The following TNNI3K variants were observed in gnomAD, a reference collection of about 807,000 sequenced individuals.
TNNI3K encodes the protein TNNI3 interacting kinase, also known as serine/threonine-protein kinase TNNI3K.
A neutral mutation model predicts 114.5 loss-of-function variants in TNNI3K; 140 were observed. The ratio of observed to expected loss-of-function variants is 1.22; its 90% CI spans 1.07 to 1.41. The LOEUF (loss-of-function observed/expected upper bound fraction) is 1.41. TNNI3K is among the 40% of genes most tolerant of loss of function. The probability of loss-of-function intolerance (pLI) is 0.00; values close to 1 mark genes in which losing one functional copy is unlikely to be tolerated. For missense variants in TNNI3K, 1,125 were observed against 1,007.6 expected (o/e 1.12, Z -1.58); for synonymous variants, 347 against 347.5 (o/e 1.00, Z 0.02).
Position 74,271,581 on chromosome 1 carries a change from G to T in TNNI3K, c.334-17G>T, listed in dbSNP as rs769432404. On this transcript the variant is annotated splice_polypyrimidine_tract_variant and intron_variant, in intron 4 of 24. Coordinates refer to ENST00000326637, the MANE Select transcript of TNNI3K (RefSeq NM_015978.3). Reference sequence around the variant, plus strand: ...TTATTAGCAGAAAAGTAACACTAAAGATATGTTTCCTTACAGGATAATGCA... The same window carrying T: ...TTATTAGCAGAAAAGTAACACTAAATATATGTTTCCTTACAGGATAATGCA... The T allele has an allele frequency of 7.0e-6, 11 of 1,582,408 alleles. No individual in the cohort carries two copies. The highest frequency in any genetic ancestry group is 9.5e-6 in the Non-Finnish European group (11 of 1,162,374).
At chr1:74,463,364 T>TTG (rs993032209) in intron 20 of TNNI3K, 77 bp from the exon 21 acceptor site, 41 of 1,478,792 alleles carry the variant, frequency 2.8e-5, no homozygotes, top group East Asian at 2.0e-4. Flanking sequence ...TAATGCCTTT[T>TTG]TGTGTGTGTG....
chr1:74,353,267 G>A lies in TNNI3K; in HGVS notation c.934G>A (p.Ala312Thr), dbSNP rs530702018. ...TTGTTTTATGGTTTTTTTTTTCAGTGCTTGTACCTATGGCAAGAGCATTGA... is the reference window on the plus strand; with the variant it reads ...TTGTTTTATGGTTTTTTTTTTCAGTACTTGTACCTATGGCAAGAGCATTGA... ...NIFSETAFHS[A>T]CTYGKSIDLV... Residue 312 changes from alanine (A) to threonine (T), a missense_variant and splice_region_variant, in exon 10 of 25, where the codon GCT (alanine) becomes ACT (threonine). Ala to Thr is a moderately conservative substitution (Grantham distance 58, BLOSUM62 0). Coordinates refer to ENST00000326637, the MANE Select transcript of TNNI3K (RefSeq NM_015978.3). 4.8e-5 allele frequency: 77 copies of A among 1,610,560 alleles called. No individual in the cohort carries two copies. In the South Asian group the frequency reaches 7.8e-4, roughly 16 times the overall value.
chr1:74,538,748 A>T (rs1395026498), intron 23 of TNNI3K, among the ~76,000 whole-genome samples: 1 of 152,116 alleles, frequency 6.6e-6, no homozygotes, highest in East Asian at 1.9e-4. Flanking sequence ...GCAAAAGGGG[A>T]TTTGCGTTTA....
At chr1:74,301,126 G>T (rs45479598) in intron 5 of TNNI3K, among the ~76,000 whole-genome samples, 8 of 152,288 alleles carry the variant, frequency 5.3e-5, no homozygotes, top group Non-Finnish European at 1.0e-4. Context: ...AAGGCTGGGT[G>T]TGGTGGTTCA....
intron 17 of TNNI3K, among the ~76,000 whole-genome samples, chr1:74,406,621 A>G (rs1191511469): frequency 6.6e-6 from 1 of 152,194 alleles, no homozygotes; most frequent in East Asian, 1.9e-4. Context: ...ATATTTCACA[A>G]TAATCTCCTT....
chr1:74,247,889 G>A (rs879707519), intron 2 of TNNI3K, among the ~76,000 whole-genome samples: 2 of 152,300 alleles, frequency 1.3e-5, no homozygotes, highest in South Asian at 2.1e-4. Context: ...CCAGTCCCAC[G>A]CTGCGTGCCT....
intron 17 of TNNI3K, among the ~76,000 whole-genome samples, chr1:74,381,310 C>A (rs1663192817): frequency 6.6e-6 from 1 of 152,142 alleles, no homozygotes. Flanking sequence ...TTTAACATAT[C>A]AGTTTTCTAA....
chr1:74,508,443 C>A (rs1670017629), intron 23 of TNNI3K, among the ~76,000 whole-genome samples: 1 of 152,080 alleles, frequency 6.6e-6, no homozygotes, highest in African/African-American at 2.4e-5. Flanking sequence ...AAAATAAAGT[C>A]CCCAAAATAC....
At chr1:74,501,461 T>G (rs1343687102) in intron 23 of TNNI3K, among the ~76,000 whole-genome samples, 2 of 143,534 alleles carry the variant, frequency 1.4e-5, no homozygotes, top group Non-Finnish European at 3.1e-5. Flanking sequence ...ACTTGGAGGG[T>G]TTTTTTTGTT....
chr1:74,530,233 TA>T (rs1646563386), intron 23 of TNNI3K, among the ~76,000 whole-genome samples: 1 of 152,156 alleles, frequency 6.6e-6, no homozygotes, highest in African/African-American at 2.4e-5. Flanking sequence ...TTGTGCTTGA[TA>T]AAAAGCCATG....
chr1:74,514,552 A>G (rs1256530250), intron 23 of TNNI3K, among the ~76,000 whole-genome samples: 1 of 152,198 alleles, frequency 6.6e-6, no homozygotes, highest in Non-Finnish European at 1.5e-5. Context: ...TATTAATATA[A>G]TATCCCCAAT....
At chr1:74,389,777 T>C (rs1663671261) in intron 17 of TNNI3K, among the ~76,000 whole-genome samples, 1 of 152,160 alleles carries the variant, frequency 6.6e-6, no homozygotes, top group African/African-American at 2.4e-5. Context: ...TGGAAAGGGC[T>C]AGATGTAAAT....
chr1:74,256,700 G>A (rs1206811719), intron 4 of TNNI3K, among the ~76,000 whole-genome samples: 1 of 151,898 alleles, frequency 6.6e-6, no homozygotes, highest in African/African-American at 2.4e-5. Context: ...TGCAAATGTT[G>A]ATCTACTTCA....
chr1:74,312,568 T>C (rs775477532), intron 5 of TNNI3K, among the ~76,000 whole-genome samples: 18 of 152,078 alleles, frequency 1.2e-4, no homozygotes, highest in Non-Finnish European at 2.2e-4. Context: ...TTAATCAAAA[T>C]AAACACAAAG....
At chr1:74,241,689 T>G (rs1337459678) in intron 2 of TNNI3K, among the ~76,000 whole-genome samples, 3 of 152,158 alleles carry the variant, frequency 2.0e-5, no homozygotes, top group African/African-American at 7.2e-5. Flanking sequence ...CTTTGTCAGA[T>G]GAGTAGATTG....
Position 74,353,252 on chromosome 1 carries a change from GTTT to G in TNNI3K, c.933-6_933-4del. ...GACCTTCTATCTTTCTTGTTTTATG[GTTT>G]TTTTTTTCAGTGCTTGTACCTATGG... On this transcript the variant is annotated splice_polypyrimidine_tract_variant and intron_variant, in intron 9 of 24. Transcript: ENST00000326637. The G allele has an allele frequency of 7.1e-7, 1 of 1,416,526 alleles. No individual in the cohort carries two copies. Among genetic ancestry groups the G allele is most frequent in the South Asian group, 1.3e-5 (1 of 76,274 alleles). The allele number at this position is 1,416,526 out of a possible 1,614,324, so 87.7% of individuals were successfully genotyped here.
intron 23 of TNNI3K, among the ~76,000 whole-genome samples, chr1:74,502,493 G>A (rs985059821): frequency 5.3e-5 from 8 of 152,204 alleles, no homozygotes; most frequent in African/African-American, 1.9e-4. Flanking sequence ...CTGTCCGGTA[G>A]TGTTTTCATT....
At chr1:74,280,663 AC>A (rs1452618310) in intron 5 of TNNI3K, among the ~76,000 whole-genome samples, 1 of 152,212 alleles carries the variant, frequency 6.6e-6, no homozygotes, top group Non-Finnish European at 1.5e-5. Context: ...GTAACCCTCC[AC>A]TGCAGCAGTA....
chr1:74,344,613 C>T (rs1409611963), intron 9 of TNNI3K, among the ~76,000 whole-genome samples: 2 of 152,090 alleles, frequency 1.3e-5, no homozygotes, highest in African/African-American at 2.4e-5. Flanking sequence ...TATTCTCTTT[C>T]CGTTTAGGTC....
Sources: allele counts gnomAD v4.1 joint callset (sites outside exome capture counted in the v4.1 genomes callset), GRCh38; gene constraint gnomAD v4.1.1; transcripts MANE v1.5; gene names NCBI Gene and HGNC (gene_info 2026-07-23, HGNC 2026-07-21).